The following PTPRS variants were observed in gnomAD, a reference collection of about 807,000 sequenced individuals.
The protein encoded by PTPRS is protein tyrosine phosphatase receptor type S, also known as receptor-type tyrosine-protein phosphatase S.
A neutral mutation model predicts 215.3 loss-of-function variants in PTPRS; 63 were observed. The ratio of observed to expected loss-of-function variants is 0.29; its 90% CI spans 0.24 to 0.36. The LOEUF (loss-of-function observed/expected upper bound fraction) is 0.36, where lower values mean the gene tolerates loss of function less well. Ranked by LOEUF, PTPRS falls within the 10% of genes least tolerant of loss-of-function variation. The pLI is 1.00. For missense variants in PTPRS, 2,258 were observed against 2,825.8 expected, an observed-to-expected ratio of 0.80 and a Z score of 4.56; for synonymous variants, 1,404 against 1,191.4, an observed-to-expected ratio of 1.18 and a Z score of -3.68.
intron 1 of PTPRS, among the ~76,000 whole-genome samples, chr19:5,324,704 C>T (rs980098414): frequency 3.9e-5 from 6 of 152,322 alleles, no homozygotes; most frequent in Non-Finnish European, 8.8e-5. Flanking sequence ...CTCTGAGCCT[C>T]GGTTTCCTTA....
At position 5,211,625 on chromosome 19, in the gene PTPRS, A is replaced by G; in HGVS notation, c.5199T>C (p.Ser1733=). 1 of 1,613,474 alleles carries G rather than the reference A, an allele frequency of 6.2e-7. No individual in the cohort carries two copies. The highest frequency in any genetic ancestry group is 8.5e-7 in the Non-Finnish European group (1 of 1,179,490). Residue 1733 remains serine (S), a synonymous_variant, in exon 33 of 38, where the codon TCT becomes TCC. Transcript: ENST00000262963. The part of the protein sequence containing the change: ...CLQPIRGVEG[S]DYINASFIDG... The stretch of plus-strand genomic sequence containing the variant: ...CAATGAAGCTGGCGTTGATGTAGTC[A>G]GAGCCCTCCACACCCCGGATGGGTT...
chr19:5,329,218 G>A (rs115595750), intron 1 of PTPRS, among the ~76,000 whole-genome samples: 3,024 of 152,204 alleles, frequency 0.02, 89 homozygotes, highest in African/African-American at 0.068. Flanking sequence ...GGAGTGGAAC[G>A]GACAAAGGGG....
Position 5,221,077 on chromosome 19 carries a change from G to A in PTPRS, c.3378C>T (p.Pro1126=), listed in dbSNP as rs771781407. Reference sequence around the variant, plus strand: ...CAGCATCAGGCTTGGGGGCGACGCTGGGCTTGCCGTTGAGCAGGTTGAAGG... The same window carrying A: ...CAGCATCAGGCTTGGGGGCGACGCTAGGCTTGCCGTTGAGCAGGTTGAAGG... ...WTAFNLLNGK[P]SVAPKPDADG... The change falls in exon 20 of 38, where the codon CCC becomes CCT. Residue 1126 remains proline (P), a synonymous_variant. Coordinates refer to ENST00000262963, the MANE Select transcript of PTPRS (RefSeq NM_002850.4). The A allele has an allele frequency of 1.9e-6, 3 of 1,613,960 alleles. No homozygotes were observed. Among genetic ancestry groups the A allele is most frequent in the Non-Finnish European group, 2.5e-6 (3 of 1,180,004 alleles).
Position 5,221,195 on chromosome 19 carries a change from G to A in PTPRS, c.3260C>T (p.Thr1087Met), listed in dbSNP as rs200191658. 87 of 1,613,926 alleles carry A rather than the reference G, an allele frequency of 5.4e-5. No homozygotes were observed. Among genetic ancestry groups the A allele is most frequent in the Non-Finnish European group, 2.2e-5 (26 of 1,180,002 alleles). ...GTAGAAGGTGTGGGGCTTGAGGTGC[G>A]TGATGAGCTTCTTGGTGGTACGGCC... ...VDGRTTKKLI[T>M]HLKPHTFYNF... is the part of the protein sequence containing the mutation. The change falls in exon 20 of 38, where the codon ACG (threonine) becomes ATG (methionine). Residue 1087 changes from threonine to methionine, a missense_variant. By Grantham distance (81) the Thr-to-Met change is moderately conservative (BLOSUM62 -1). This residue lies in a region of PTPRS where 927 missense variants were observed against 1,125.9 expected (regional missense o/e 0.82). Transcript: ENST00000262963.
intron 2 of PTPRS, among the ~76,000 whole-genome samples, chr19:5,280,437 G>T (rs2047749146): frequency 6.6e-6 from 1 of 152,214 alleles, no homozygotes; most frequent in African/African-American, 2.4e-5. Context: ...CACTAGACCT[G>T]GCCGGGCGTG....
At chr19:5,322,889 AAAAAAAAAAAAGAAG>A (rs1600123266) in intron 1 of PTPRS, among the ~76,000 whole-genome samples, 2 of 133,732 alleles carry the variant, frequency 1.5e-5, no homozygotes, top group East Asian at 4.0e-4. Context: ...CAAAAAAAAA[AAAAAAAAAAAAGAAG>A]AAGAAGAAGA....
chr19:5,329,041 G>A (rs189228704), intron 1 of PTPRS, among the ~76,000 whole-genome samples: 10 of 152,310 alleles, frequency 6.6e-5, no homozygotes, highest in South Asian at 2.1e-4. Flanking sequence ...GAGGTGTGGC[G>A]GAGCTTAGGT....
rs564497627 is a variant in PTPRS, at chr19:5,215,684, G to A, written c.4097-89C>T. ...AGGGGGGTGATCTACGTGTGAGTCT[G>A]CGATGGGTGAGCTGTGGTTAGAAGG... On this transcript the variant is annotated intron_variant, in intron 26 of 37. Transcript: ENST00000262963. 5.8e-5 allele frequency: 54 copies of A among 927,650 alleles called. No homozygotes were observed. In the African/African-American group the frequency reaches 8.8e-4, roughly 15 times the overall value. 57.5% of individuals were successfully genotyped at this position (927,650 alleles called of 1,614,324 possible).
chr19:5,280,946 A>G (rs2047798068), intron 2 of PTPRS, among the ~76,000 whole-genome samples: 1 of 151,634 alleles, frequency 6.6e-6, no homozygotes, highest in East Asian at 2.0e-4. Context: ...AACCCACCAC[A>G]ACACCCAGCT....
chr19:5,249,786 G>A (rs555799180), intron 9 of PTPRS, among the ~76,000 whole-genome samples: 1 of 152,338 alleles, frequency 6.6e-6, no homozygotes, highest in East Asian at 1.9e-4. Flanking sequence ...TATACTCAAA[G>A]GAATTGTTGG....
intron 1 of PTPRS, among the ~76,000 whole-genome samples, chr19:5,305,939 C>CAAAA (rs35165317): frequency 0.08 from 1,802 of 22,620 alleles, 497 homozygotes; most frequent in African/African-American, 0.14. Context: ...GACTCCGTCT[C>CAAAA]AAAAAAAAAA....
intron 11 of PTPRS, among the ~76,000 whole-genome samples, chr19:5,242,377 G>A (rs1435103094): frequency 6.6e-6 from 1 of 151,958 alleles, no homozygotes; most frequent in East Asian, 1.9e-4. Context: ...TAGGATAACT[G>A]TCCAATTTTA....
chr19:5,303,847 A>T (rs967056325), intron 1 of PTPRS, among the ~76,000 whole-genome samples: 2 of 151,056 alleles, frequency 1.3e-5, no homozygotes, highest in Non-Finnish European at 2.9e-5. Context: ...GCTACTCAGG[A>T]GGCTGAGACA....
intron 13 of PTPRS, among the ~76,000 whole-genome samples, chr19:5,233,276 G>A (rs933684248): frequency 6.7e-5 from 10 of 149,708 alleles, no homozygotes; most frequent in Non-Finnish European, 8.9e-5. Flanking sequence ...AGCACTTCAC[G>A]AAATAATAGT....
rs1415456533 is a variant in PTPRS at position 5,208,367 on chromosome 19, G to T, written c.5512C>A (p.Gln1838Lys). 1 of 1,611,440 alleles carries T rather than the reference G, an allele frequency of 6.2e-7. No individual in the cohort carries two copies. Among genetic ancestry groups the T allele is most frequent in the Admixed American group, 1.7e-5 (1 of 59,670 alleles). The change falls in exon 36 of 38, where the codon CAG (glutamine) becomes AAG (lysine). Residue 1838 changes from glutamine to lysine, a missense_variant. Physicochemically the swap from Gln to Lys is moderately conservative, Grantham distance 53. Coordinates refer to ENST00000262963, the MANE Select transcript of PTPRS (RefSeq NM_002850.4). ...TCCGGCCAGTCTGTGAACTGGAACT[G>T]CCGGACAGTCCGGGACTGGCCATCC... The part of the protein sequence containing the change: ...ARDGQSRTVR[Q>K]FQFTDWPEQG...
At position 5,240,189 on chromosome 19, in the gene PTPRS, G is replaced by A. The variant is rs777395561; in HGVS notation, c.1704+10C>T. The A allele has an allele frequency of 5.4e-5, 82 of 1,531,932 alleles. No individual in the cohort carries two copies. The highest frequency in any genetic ancestry group is 6.9e-5 in the Non-Finnish European group (79 of 1,138,664). 94.9% of individuals were successfully genotyped at this position (1,531,932 alleles called of 1,614,324 possible). A position where few individuals can be genotyped will look rare whatever the true frequency, so the allele number is the denominator to read the frequency against. On this transcript the variant is annotated intron_variant, in intron 12 of 37. Transcript: ENST00000262963. ...CCAGGGCAGGCCAGCCCGTCCCCGC[G>A]CTGCCTCACCTCCCGGCCATGGTCG...
intron 2 of PTPRS, among the ~76,000 whole-genome samples, chr19:5,279,189 AAAAAAAG>A (rs2047645875): frequency 1.3e-5 from 2 of 152,054 alleles, no homozygotes; most frequent in South Asian, 2.1e-4. Flanking sequence ...CTGTCTCAAA[AAAAAAAG>A]AAAAAAGGAA....
chr19:5,304,745 G>A (rs1197406042), intron 1 of PTPRS, among the ~76,000 whole-genome samples: 1 of 152,172 alleles, frequency 6.6e-6, no homozygotes, highest in Non-Finnish European at 1.5e-5. Context: ...AAGGATGGGA[G>A]AAATTGCGCT....
At chr19:5,290,574 G>A (rs910076225) in intron 1 of PTPRS, among the ~76,000 whole-genome samples, 6 of 152,130 alleles carry the variant, frequency 3.9e-5, no homozygotes, top group African/African-American at 1.2e-4. Context: ...TGTGTCACCC[G>A]CACGAGGCGG....
Sources: gnomAD v4.1 joint callset for allele counts (sites outside exome capture counted in the v4.1 genomes callset) on GRCh38, gnomAD v4.1.1 for gene constraint, gnomAD v4.1.1 regional missense constraint, MANE v1.5 for transcripts, NCBI Gene and HGNC (gene_info 2026-07-23, HGNC 2026-07-21) for gene names.